Variants in SEM1 observed in about 807,000 individuals in gnomAD.
The protein encoded by SEM1 is 26S proteasome complex subunit SEM1.
Under a neutral mutation model 12.7 loss-of-function variants are expected in SEM1, and 3 were observed. The observed-to-expected ratio is 0.24, with a 90% CI of 0.11 to 0.61. SEM1 has a LOEUF of 0.61. Ranked by LOEUF, SEM1 falls within the 20% of genes least tolerant of loss-of-function variation. The pLI, the probability that SEM1 is intolerant of heterozygous loss-of-function variation, is 0.88. For synonymous variants in SEM1, 30 were observed against 27.8 expected (o/e 1.08, Z -0.25); for missense variants, 59 against 81.3 (o/e 0.73, Z 1.06).
At chr7:96,706,789 G>A (rs189373985) in intron 1 of SEM1, among the ~76,000 whole-genome samples, 233 of 152,162 alleles carry the variant, frequency 1.5e-3, no homozygotes, top group African/African-American at 5.4e-3. Context: ...CAAGTTACCC[G>A]AGAGTGGATA....
At chr7:96,608,102 A>G (rs1249492419) in intron 2 of SEM1, among the ~76,000 whole-genome samples, 1 of 152,232 alleles carries the variant, frequency 6.6e-6, no homozygotes, top group Non-Finnish European at 1.5e-5. Context: ...ATCGTCTGGA[A>G]GAGAAGAGAG....
chr7:96,583,011 C>G (rs1806474048), intron 2 of SEM1, among the ~76,000 whole-genome samples: 1 of 152,146 alleles, frequency 6.6e-6, no homozygotes, highest in Non-Finnish European at 1.5e-5. Context: ...TTGCCTTCTG[C>G]TATCTTTTGA....
chr7:96,602,072 A>G (rs1489367894), intron 2 of SEM1, among the ~76,000 whole-genome samples: 1 of 152,204 alleles, frequency 6.6e-6, no homozygotes, highest in East Asian at 1.9e-4. Context: ...ACCATGTTAC[A>G]TTAACAATGT....
intron 1 of SEM1, among the ~76,000 whole-genome samples, chr7:96,703,476 A>G (rs908448912): frequency 6.6e-6 from 1 of 152,192 alleles, no homozygotes; most frequent in African/African-American, 2.4e-5. Context: ...TTATATTATA[A>G]AAAATGAGTC....
chr7:96,523,042 C>T (rs1361544455), intron 2 of SEM1, among the ~76,000 whole-genome samples: 1 of 152,080 alleles, frequency 6.6e-6, no homozygotes, highest in Non-Finnish European at 1.5e-5. Context: ...AACTGTGGCT[C>T]AGCTTTGTGT....
At chr7:96,514,496 A>C (rs1354204774) in intron 2 of SEM1, among the ~76,000 whole-genome samples, 1 of 148,880 alleles carries the variant, frequency 6.7e-6, no homozygotes, top group Non-Finnish European at 1.5e-5. Flanking sequence ...CACAGATGAC[A>C]TGATTGTCTC....
At chr7:96,631,145 G>A (rs1218536540) in intron 2 of SEM1, among the ~76,000 whole-genome samples, 1 of 152,172 alleles carries the variant, frequency 6.6e-6, no homozygotes, top group Non-Finnish European at 1.5e-5. Flanking sequence ...CCTGACTGAT[G>A]TGTCATTAGG....
At chr7:96,597,590 A>T (rs1807043267) in intron 2 of SEM1, among the ~76,000 whole-genome samples, 1 of 151,790 alleles carries the variant, frequency 6.6e-6, no homozygotes, top group Admixed American at 6.6e-5. Flanking sequence ...TCAGCTTGCA[A>T]TTTTTTTGGA....
intron 3 of SEM1, chr7:96,506,474 A>G (rs1029802219): frequency 1.0e-3 from 154 of 152,142 alleles, no homozygotes; most frequent in African/African-American, 3.4e-3. Context: ...TGATCATTAT[A>G]TTCTAGACTT....
At chr7:96,685,783 TAA>T (rs529595521), downstream of SEM1, among the ~76,000 whole-genome samples, 50 of 118,232 alleles carry the variant, frequency 4.2e-4, no homozygotes, top group Admixed American at 4.4e-4. Flanking sequence ...CATGGCTCAG[TAA>T]AAAAAAAAAA....
chr7:96,588,377 C>CG (rs1450378355), intron 2 of SEM1, among the ~76,000 whole-genome samples: 1,770 of 125,608 alleles, frequency 0.014, 41 homozygotes, highest in East Asian at 0.074. Context: ...CACACACACA[C>CG]ACACACACAC....
At chr7:96,544,943 C>G (rs1281195699) in intron 2 of SEM1, among the ~76,000 whole-genome samples, 1 of 151,922 alleles carries the variant, frequency 6.6e-6, no homozygotes, top group Non-Finnish European at 1.5e-5. Flanking sequence ...GAAGAAAATT[C>G]AAGTTTAAGT....
chr7:96,587,413 C>G (rs775445655), intron 2 of SEM1, among the ~76,000 whole-genome samples: 2 of 152,062 alleles, frequency 1.3e-5, no homozygotes. Context: ...TTCTTCTGAC[C>G]CATTACCACC....
Position 96,555,733 on chromosome 7 carries a change from C to T in SEM1, c.171-49035G>A, listed in dbSNP as rs1805465722. Among the ~76,000 whole-genome samples, 4 of 142,286 alleles carry T rather than the reference C, an allele frequency of 2.8e-5. No homozygotes were observed. The Admixed American group carries it at 2.9e-4, about 10-fold the overall frequency. The allele number at this position is 142,286 out of a possible 152,430, so 93.3% of individuals were successfully genotyped here. ...ACTTGGTGCAGAGCTGAGTTCAATT[C>T]CTGGGTATCCTTGTTGACTTTCTGT... On this transcript the variant is annotated intron_variant and NMD_transcript_variant, in intron 2 of 3. Transcript: ENST00000466986.
intron 2 of SEM1, among the ~76,000 whole-genome samples, chr7:96,590,740 C>T (rs1267235960): frequency 6.6e-6 from 1 of 152,110 alleles, no homozygotes; most frequent in African/African-American, 2.4e-5. Context: ...ATTGAGCATG[C>T]AGTCTTGTCA....
intron 1 of SEM1, among the ~76,000 whole-genome samples, chr7:96,700,458 T>C (rs373101612): frequency 6.6e-6 from 1 of 152,194 alleles, no homozygotes; most frequent in African/African-American, 2.4e-5. Context: ...TCAGGTCCCA[T>C]GGTTAGCCAA....
chr7:96,497,006 T>TAC (rs762508661), upstream of SEM1, among the ~76,000 whole-genome samples: 10,866 of 95,778 alleles, frequency 0.11, 411 homozygotes, highest in African/African-American at 0.2. Context: ...CACGAGCACG[T>TAC]ATACACACAC....
intron 2 of SEM1, among the ~76,000 whole-genome samples, chr7:96,534,639 C>T (rs376143392): frequency 1.2e-4 from 18 of 151,978 alleles, no homozygotes; most frequent in African/African-American, 3.9e-4. Context: ...CAATTATCTA[C>T]AAAGGTTACT....
intron 1 of SEM1, among the ~76,000 whole-genome samples, chr7:96,490,861 G>T (rs1203757562): frequency 6.6e-6 from 1 of 151,962 alleles, no homozygotes; most frequent in Non-Finnish European, 1.5e-5. Flanking sequence ...AGATATGGGG[G>T]TGGTTTATGG....
Sources: gnomAD v4.1 joint callset for allele counts (sites outside exome capture counted in the v4.1 genomes callset) on GRCh38, gnomAD v4.1.1 for gene constraint, MANE v1.5 for transcripts, NCBI Gene and HGNC (gene_info 2026-07-23, HGNC 2026-07-21) for gene names.